Variants in SLCO3A1 observed in about 807,000 individuals in gnomAD.
SLCO3A1 encodes the protein PGE1 transporter.
SLCO3A1 carries 27 observed loss-of-function variants against 63.1 expected under a neutral mutation model. The observed-to-expected ratio is 0.43, with a 90% CI of 0.32 to 0.59. The LOEUF is 0.59. Ranked by LOEUF, SLCO3A1 falls within the 20% of genes least tolerant of loss-of-function variation. The pLI, the probability that SLCO3A1 is intolerant of heterozygous loss-of-function variation, is 0.09. For missense variants in SLCO3A1, 773 were observed against 945.8 expected (o/e 0.82, Z 2.40); for synonymous variants, 473 against 409.9 (o/e 1.15, Z -1.86).
intron 2 of SLCO3A1, among the ~76,000 whole-genome samples, chr15:92,044,433 T>C (rs1024305219): frequency 4.6e-5 from 7 of 152,136 alleles, no homozygotes; most frequent in African/African-American, 9.7e-5. Context: ...GTGACAGCCC[T>C]GCCACATCCT....
chr15:91,959,450 C>T (rs1332706316), intron 2 of SLCO3A1, among the ~76,000 whole-genome samples: 1 of 152,044 alleles, frequency 6.6e-6, no homozygotes, highest in African/African-American at 2.4e-5. Flanking sequence ...AAATTATAGG[C>T]TGGGCACGGT....
chr15:91,962,432 T>A (rs1039701072), intron 2 of SLCO3A1, among the ~76,000 whole-genome samples: 1 of 130,900 alleles, frequency 7.6e-6, no homozygotes, highest in African/African-American at 3.0e-5. Flanking sequence ...TGAACTGAGA[T>A]CGCGCCATTG....
chr15:92,153,978 C>T (rs2048340324), intron 9 of SLCO3A1, among the ~76,000 whole-genome samples: 2 of 152,120 alleles, frequency 1.3e-5, no homozygotes, highest in Admixed American at 6.5e-5. Context: ...GCAGAAGAAT[C>T]CCTTGAACCT....
rs1242698518 is a variant in SLCO3A1, at chr15:91,860,399, G to A, written c.180+6311G>A. Among the ~76,000 whole-genome samples the A allele has an allele frequency of 6.6e-6, 1 of 152,244 alleles. No individual in the cohort carries two copies. Among genetic ancestry groups the A allele is most frequent in the Non-Finnish European group, 1.5e-5 (1 of 68,036 alleles). On this transcript the variant is annotated intron_variant, in intron 1 of 9. Transcript: ENST00000318445. This position sits in a 1 kb window ranked among gnomAD's most constrained non-coding sequence, Gnocchi z 5.5. ...AATGATCAAGCTTATCTTACAGATGGTTGTGAGGTTTAAACAAATAGTCAT... is the reference window on the plus strand; with the variant it reads ...AATGATCAAGCTTATCTTACAGATGATTGTGAGGTTTAAACAAATAGTCAT...
At chr15:92,135,506 C>T (rs1013835924) in intron 7 of SLCO3A1, among the ~76,000 whole-genome samples, 1 of 152,164 alleles carries the variant, frequency 6.6e-6, no homozygotes, top group Admixed American at 6.5e-5. Flanking sequence ...GTCCCCTTTG[C>T]CTTGATCTTG....
Position 92,163,118 on chromosome 15 carries a change from A to T in SLCO3A1, c.2116A>T (p.Met706Leu). The change falls in exon 10 of 10, where the codon ATG becomes TTG. Residue 706 changes from methionine (M) to leucine (L), a missense_variant. Coordinates refer to ENST00000318445, the MANE Select transcript of SLCO3A1 (RefSeq NM_013272.4). The part of the protein sequence containing the change: ...NLEDHEWCEN[M>L]ESVL ...GGAAGACCATGAGTGGTGTGAAAAC[A>T]TGGAGTCCGTTTTATAGTGACTAAA... 6.6e-7 allele frequency: 1 copy of T among 1,524,420 alleles called. No homozygotes were observed. The highest frequency in any genetic ancestry group is 1.3e-5 in the South Asian group (1 of 75,674). The allele number at this position is 1,524,420 out of a possible 1,614,324, so 94.4% of individuals were successfully genotyped here. A position where few individuals can be genotyped will look rare whatever the true frequency, so the allele number is the denominator to read the frequency against.
intron 2 of SLCO3A1, among the ~76,000 whole-genome samples, chr15:91,927,854 G>C (rs1332696439): frequency 1.3e-5 from 2 of 152,186 alleles, no homozygotes; most frequent in African/African-American, 4.8e-5. Flanking sequence ...ATTGCGTATG[G>C]ACACTGGAAC....
At chr15:91,924,999 A>C (rs968939542) in intron 2 of SLCO3A1, among the ~76,000 whole-genome samples, 1 of 152,212 alleles carries the variant, frequency 6.6e-6, no homozygotes, top group Non-Finnish European at 1.5e-5. Context: ...AGAAAGGTGA[A>C]AGTCCATGTG....
intron 2 of SLCO3A1, among the ~76,000 whole-genome samples, chr15:91,924,825 C>T (rs9806394): frequency 0.3 from 46,306 of 152,070 alleles, 8,177 homozygotes; most frequent in East Asian, 0.71. Flanking sequence ...CAAGGTTCCC[C>T]GAAGAGAGTA....
chr15:92,119,284 GAA>G (rs766933786), intron 4 of SLCO3A1, among the ~76,000 whole-genome samples: 2 of 152,172 alleles, frequency 1.3e-5, no homozygotes, highest in African/African-American at 2.4e-5. Context: ...CAATTTAAGG[GAA>G]AGTCTTAGTG....
At chr15:92,088,493 A>G (rs1473393707) in intron 2 of SLCO3A1, among the ~76,000 whole-genome samples, 2 of 152,260 alleles carry the variant, frequency 1.3e-5, no homozygotes, top group African/African-American at 4.8e-5. Flanking sequence ...TTAGTTTTCT[A>G]TCACTACTGT....
intron 2 of SLCO3A1, among the ~76,000 whole-genome samples, chr15:92,053,136 C>T (rs1022823284): frequency 2.6e-5 from 4 of 151,996 alleles, no homozygotes; most frequent in Admixed American, 1.3e-4. Flanking sequence ...TGCCAGGCAC[C>T]GTGTAGATGC....
chr15:92,076,194 C>T (rs571709520), intron 2 of SLCO3A1, among the ~76,000 whole-genome samples: 22 of 152,288 alleles, frequency 1.4e-4, no homozygotes, highest in Admixed American at 5.9e-4. Flanking sequence ...TGTTTTCCAC[C>T]GTTCGTCAAA....
intron 4 of SLCO3A1, among the ~76,000 whole-genome samples, chr15:92,105,509 C>A (rs186300072): frequency 6.6e-6 from 1 of 152,106 alleles, no homozygotes; most frequent in Non-Finnish European, 1.5e-5. Flanking sequence ...GTGAGAACCC[C>A]CCTCCACCAC....
At chr15:92,029,200 T>C (rs2046615098) in intron 2 of SLCO3A1, among the ~76,000 whole-genome samples, 1 of 152,190 alleles carries the variant, frequency 6.6e-6, no homozygotes, top group Admixed American at 6.5e-5. Context: ...CAGCCTCTTA[T>C]ACTTCTATGC....
At chr15:92,001,213 C>T (rs1457414821) in intron 2 of SLCO3A1, among the ~76,000 whole-genome samples, 17 of 9,024 alleles carry the variant, frequency 1.9e-3, no homozygotes, top group African/African-American at 5.0e-3. Flanking sequence ...GGTGGGTGGG[C>T]GGGGGGGAGG....
intron 2 of SLCO3A1, among the ~76,000 whole-genome samples, chr15:91,970,189 A>G (rs1192472901): frequency 1.3e-5 from 2 of 152,252 alleles, no homozygotes; most frequent in Admixed American, 6.5e-5. Context: ...GAGCAAGCAC[A>G]TGTAGCACAT....
chr15:92,159,302 T>C (rs1490977185), intron 9 of SLCO3A1, among the ~76,000 whole-genome samples: 1 of 151,944 alleles, frequency 6.6e-6, no homozygotes, highest in African/African-American at 2.4e-5. Flanking sequence ...CTGGCCAACA[T>C]AGTGAAACCC....
At chr15:91,910,686 A>T in intron 1 of SLCO3A1, among the ~76,000 whole-genome samples, 1 of 152,304 alleles carries the variant, frequency 6.6e-6, no homozygotes, top group Non-Finnish European at 1.5e-5. Flanking sequence ...CCAGACTTAC[A>T]CTGATAGGAC....
Sources: allele counts gnomAD v4.1 joint callset (sites outside exome capture counted in the v4.1 genomes callset), GRCh38; gene constraint gnomAD v4.1.1; non-coding constraint Gnocchi (gnomAD v3.1); transcripts MANE v1.5; gene names NCBI Gene and HGNC (gene_info 2026-07-23, HGNC 2026-07-21).